KBTBD12: variants seen among roughly 807,000 people sequenced by gnomAD.
The protein encoded by KBTBD12 is kelch repeat and BTB domain containing 12, also known as kelch repeat and BTB domain-containing protein 12.
A neutral mutation model predicts 58.7 loss-of-function variants in KBTBD12; 53 were observed. The observed-to-expected ratio is 0.90, with a 90% CI of 0.72 to 1.14. The LOEUF (loss-of-function observed/expected upper bound fraction) is 1.14. Ranked by LOEUF, KBTBD12 falls within the 50% of genes most tolerant of loss-of-function variation. KBTBD12 has a pLI of 0.00. For missense variants in KBTBD12, 704 were observed against 751.3 expected, an observed-to-expected ratio of 0.94 and a Z score of 0.74; for synonymous variants, 236 against 259.8, an observed-to-expected ratio of 0.91 and a Z score of 0.88.
intron 5 of KBTBD12, among the ~76,000 whole-genome samples, chr3:127,966,460 G>T (rs1272706674): frequency 2.0e-5 from 3 of 152,130 alleles, no homozygotes; most frequent in Non-Finnish European, 4.4e-5. Context: ...AGAAAATATT[G>T]CATCAATAGA....
chr3:127,979,396 A>C (rs202108812), intron 5 of KBTBD12, among the ~76,000 whole-genome samples: 2 of 152,356 alleles, frequency 1.3e-5, no homozygotes, highest in East Asian at 3.9e-4. Context: ...TGGAAATAGT[A>C]ACATAAATGG....
intron 4 of KBTBD12, among the ~76,000 whole-genome samples, chr3:127,955,660 G>A (rs1447668343): frequency 6.6e-6 from 1 of 152,010 alleles, no homozygotes; most frequent in East Asian, 1.9e-4. Flanking sequence ...AGGCAATTCT[G>A]GCGTGAAAAA....
chr3:127,930,431 T>G, intron 4 of KBTBD12, 148 bp downstream of exon 4: 1 of 731,238 alleles, frequency 1.4e-6, no homozygotes, highest in Non-Finnish European at 2.2e-6. Context: ...TTTCTTGTTT[T>G]CTAGAGTACA....
chr3:127,925,385 T>C (rs1486199608), intron 2 of KBTBD12, among the ~76,000 whole-genome samples: 2 of 152,178 alleles, frequency 1.3e-5, no homozygotes, highest in African/African-American at 2.4e-5. Flanking sequence ...TTACACTTGC[T>C]CTTGGTTGGG....
At chr3:127,982,092 C>T (rs766845885) in intron 5 of KBTBD12, among the ~76,000 whole-genome samples, 31 of 152,240 alleles carry the variant, frequency 2.0e-4, no homozygotes, top group Non-Finnish European at 4.4e-4. Context: ...AGGCTGGCCT[C>T]TATAGACAGC....
At chr3:127,918,488 A>G (rs1295700121) in intron 1 of KBTBD12, among the ~76,000 whole-genome samples, 1 of 152,166 alleles carries the variant, frequency 6.6e-6, no homozygotes, top group African/African-American at 2.4e-5. Flanking sequence ...CGAGGCGGGC[A>G]GATCACGAGG....
At chr3:127,958,691 A>C (rs1463411002) in intron 4 of KBTBD12, among the ~76,000 whole-genome samples, 2 of 152,176 alleles carry the variant, frequency 1.3e-5, no homozygotes, top group Non-Finnish European at 2.9e-5. Context: ...AATGAAGCAA[A>C]ATCAAGCTGT....
At chr3:127,952,944 G>T (rs1427788051) in intron 4 of KBTBD12, among the ~76,000 whole-genome samples, 2 of 152,228 alleles carry the variant, frequency 1.3e-5, no homozygotes, top group African/African-American at 4.8e-5. Flanking sequence ...CCACAGAAAG[G>T]AAAGGTCCTT....
intron 4 of KBTBD12, among the ~76,000 whole-genome samples, chr3:127,945,164 C>CTTTTTTTTTTTTTTTTTTTT (rs56216317): frequency 3.5e-5 from 1 of 28,772 alleles, no homozygotes; most frequent in Non-Finnish European, 6.9e-5. Flanking sequence ...TAGTAGCTAT[C>CTTTTTTTTTTTTTTTTTTTT]TTTTTTTTTT....
At chr3:127,957,796 C>T (rs1173222816) in intron 4 of KBTBD12, among the ~76,000 whole-genome samples, 1 of 152,182 alleles carries the variant, frequency 6.6e-6, no homozygotes, top group Non-Finnish European at 1.5e-5. Context: ...AGACATCTGC[C>T]CTCAAGGGAC....
At chr3:127,951,586 T>G (rs139932157) in intron 4 of KBTBD12, among the ~76,000 whole-genome samples, 73 of 152,334 alleles carry the variant, frequency 4.8e-4, no homozygotes, top group African/African-American at 1.6e-3. Flanking sequence ...AAACCACTTC[T>G]GATGTTGACT....
rs868158607 is a variant in KBTBD12 at position 127,928,793 on chromosome 3, G to T, written c.1341+759G>T. On this transcript the variant is annotated intron_variant, in intron 3 of 5. Coordinates refer to ENST00000405109, the MANE Select transcript of KBTBD12 (RefSeq NM_207335.4). ...GCATAAAGTAAATTTATTTTTGCCT[G>T]TATTATTTTTTGTTTCTCCAAGTTT... Among the ~76,000 whole-genome samples, 6 of 152,296 alleles carry T rather than the reference G, an allele frequency of 3.9e-5. No individual in the cohort carries two copies. The Middle Eastern group carries it at 0.014, about 345-fold the overall frequency.
At chr3:127,943,113 C>T (rs1324076254) in intron 4 of KBTBD12, among the ~76,000 whole-genome samples, 1 of 152,130 alleles carries the variant, frequency 6.6e-6, no homozygotes, top group African/African-American at 2.4e-5. Context: ...CATTGGGGAT[C>T]AAATTTCAGC....
chr3:127,971,753 A>G (rs962339222), intron 5 of KBTBD12, among the ~76,000 whole-genome samples: 4 of 152,182 alleles, frequency 2.6e-5, no homozygotes, highest in African/African-American at 9.6e-5. Context: ...CCCAGAGTCC[A>G]GGCTAAGTCC....
chr3:127,933,732 A>T (rs1282868468), intron 4 of KBTBD12, among the ~76,000 whole-genome samples: 1 of 152,176 alleles, frequency 6.6e-6, no homozygotes, highest in East Asian at 1.9e-4. Flanking sequence ...ACAGTGGAAG[A>T]CTTACTGGTG....
At chr3:127,916,085 A>G (rs1289720023) in intron 1 of KBTBD12, among the ~76,000 whole-genome samples, 2 of 152,254 alleles carry the variant, frequency 1.3e-5, no homozygotes, top group Non-Finnish European at 1.5e-5. Context: ...CTTAAGAGGA[A>G]CTAATGAGCT....
chr3:127,981,770 T>G (rs1215345553), intron 5 of KBTBD12, among the ~76,000 whole-genome samples: 2 of 152,102 alleles, frequency 1.3e-5, no homozygotes, highest in East Asian at 3.8e-4. Context: ...TGAAACCCCG[T>G]CTCTAATAAA....
At chr3:127,977,119 T>A (rs1940797375) in intron 5 of KBTBD12, among the ~76,000 whole-genome samples, 1 of 152,206 alleles carries the variant, frequency 6.6e-6, no homozygotes, top group East Asian at 1.9e-4. Flanking sequence ...CTGTATTAGT[T>A]CACTTAGGAT....
intron 5 of KBTBD12, among the ~76,000 whole-genome samples, chr3:127,977,038 T>A (rs1940796129): frequency 6.6e-6 from 1 of 152,164 alleles, no homozygotes; most frequent in Non-Finnish European, 1.5e-5. Context: ...GTTCCCTTCT[T>A]TGTGTACATG....
Sources: allele counts gnomAD v4.1 joint callset (sites outside exome capture counted in the v4.1 genomes callset), GRCh38; gene constraint gnomAD v4.1.1; transcripts MANE v1.5; gene names NCBI Gene and HGNC (gene_info 2026-07-23, HGNC 2026-07-21).